INPP5A: variants seen among roughly 807,000 people sequenced by gnomAD.
The protein encoded by INPP5A is 43 kDa inositol polyphosphate 5-phophatase.
Under a neutral mutation model 65.2 loss-of-function variants are expected in INPP5A, and 14 were observed. That is an observed-to-expected ratio of 0.21 (90% CI 0.14 to 0.34). The LOEUF (loss-of-function observed/expected upper bound fraction) is 0.34. Among genes scored for constraint, INPP5A ranks in the 10% least tolerant of loss-of-function variants. The pLI, the probability that INPP5A is intolerant of heterozygous loss-of-function variation, is 1.00. For synonymous variants in INPP5A, 207 were observed against 208.3 expected, an observed-to-expected ratio of 0.99 and a Z score of 0.05; for missense variants, 431 against 545.6, an observed-to-expected ratio of 0.79 and a Z score of 2.09.
intron 1 of INPP5A, among the ~76,000 whole-genome samples, chr10:132,553,601 G>A (rs1304593462): frequency 3.5e-5 from 5 of 142,734 alleles, no homozygotes; most frequent in East Asian, 2.3e-4. Context: ...GGATAGGGAG[G>A]GAGGATTGGT....
In INPP5A at chr10:132,637,500, A is replaced by G. The variant is rs114870913; in HGVS notation, c.118-8368A>G. Reference sequence around the variant, plus strand: ...GTCCTTTGGGTCCCTGATCCTCCAAATGTTCCTCCTTCTCTGCCTGTCTCC... The same window carrying G: ...GTCCTTTGGGTCCCTGATCCTCCAAGTGTTCCTCCTTCTCTGCCTGTCTCC... On this transcript the variant is annotated intron_variant, in intron 2 of 15. Transcript: ENST00000368594. This position sits in a 1 kb window ranked among gnomAD's most constrained non-coding sequence, Gnocchi z 4.1. Among the ~76,000 whole-genome samples, 394 of 151,826 alleles carry G rather than the reference A, an allele frequency of 2.6e-3. 1 individual carries two copies. Among genetic ancestry groups the G allele is most frequent in the African/African-American group, 9.1e-3 (376 of 41,266 alleles).
At chr10:132,713,675 TG>T (rs1019684582) in intron 8 of INPP5A, among the ~76,000 whole-genome samples, 3 of 152,134 alleles carry the variant, frequency 2.0e-5, no homozygotes, top group African/African-American at 7.2e-5. Context: ...CTGCGAGGCC[TG>T]GGTGCTGCTG....
At chr10:132,554,866 G>T (rs1338996279) in intron 1 of INPP5A, among the ~76,000 whole-genome samples, 2 of 146,460 alleles carry the variant, frequency 1.4e-5, no homozygotes, top group Non-Finnish European at 3.0e-5. Flanking sequence ...AATGTGGGTG[G>T]TGTGGTTGGC....
chr10:132,600,591 A>G (rs1292465283), intron 1 of INPP5A, among the ~76,000 whole-genome samples: 1 of 152,146 alleles, frequency 6.6e-6, no homozygotes, highest in East Asian at 1.9e-4. Context: ...TCTTCCACAT[A>G]TTCGGGTATC....
chr10:132,693,178 TAAGAG>T (rs926075404), intron 5 of INPP5A, among the ~76,000 whole-genome samples: 69 of 152,222 alleles, frequency 4.5e-4, no homozygotes, highest in African/African-American at 1.5e-3. Flanking sequence ...ATTGATGTGT[TAAGAG>T]AGGAGAGATA....
rs576395690 is a variant in INPP5A at position 132,546,332 on chromosome 10, G to A, written c.75+8161G>A. Among the ~76,000 whole-genome samples, 4 of 152,196 alleles carry A rather than the reference G, an allele frequency of 2.6e-5. No individual in the cohort carries two copies. The highest frequency in any genetic ancestry group is 4.4e-5 in the Non-Finnish European group (3 of 68,036). On this transcript the variant is annotated intron_variant, in intron 1 of 15. Transcript: ENST00000368594. This position sits in a 1 kb window ranked among gnomAD's most constrained non-coding sequence, Gnocchi z 5.7. ...TGCCGCTCCAGGTTCAGAAGATGCC[G>A]CTTCTGGTTTTTCCCCGTTGTGAGT...
intron 13 of INPP5A, chr10:132,778,001 C>T: frequency 1.5e-6 from 2 of 1,300,172 alleles, no homozygotes; most frequent in Non-Finnish European, 2.0e-6. Context: ...GAGCCGAGTT[C>T]CTGGGCCATG....
At chr10:132,623,986 C>A (rs2072141366) in intron 2 of INPP5A, among the ~76,000 whole-genome samples, 1 of 152,160 alleles carries the variant, frequency 6.6e-6, no homozygotes, top group Non-Finnish European at 1.5e-5. Context: ...ATTCAATTGG[C>A]TGTAAAAACA....
At chr10:132,582,091 G>A (rs1476979383) in intron 1 of INPP5A, among the ~76,000 whole-genome samples, 2 of 152,068 alleles carry the variant, frequency 1.3e-5, no homozygotes, top group South Asian at 2.1e-4. Flanking sequence ...TGCCCGTCTC[G>A]GCCTCCCAAA....
chr10:132,719,601 G>C (rs1205999965), intron 8 of INPP5A, among the ~76,000 whole-genome samples: 1 of 135,318 alleles, frequency 7.4e-6, no homozygotes, highest in Non-Finnish European at 1.5e-5. Flanking sequence ...GTGGTGCCTG[G>C]GTTCTTTCTG....
At position 132,616,242 on chromosome 10, in the gene INPP5A, G is replaced by A. The variant is rs1409957274; in HGVS notation, c.117+8286G>A. On this transcript the variant is annotated intron_variant, in intron 2 of 15. Transcript: ENST00000368594. This position sits in a 1 kb window ranked among gnomAD's most constrained non-coding sequence, Gnocchi z 4.9. ...GGTGGCGTGGGAGGCAGCTGCAGTG[G>A]GAGGTGCCTGTGCTTTGTTGGTTGT... Among the ~76,000 whole-genome samples, 1 of 152,236 alleles carries A rather than the reference G, an allele frequency of 6.6e-6. No homozygotes were observed. The highest frequency in any genetic ancestry group is 2.4e-5 in the African/African-American group (1 of 41,464).
chr10:132,591,411 G>A (rs924257845), intron 1 of INPP5A, among the ~76,000 whole-genome samples: 5 of 152,322 alleles, frequency 3.3e-5, no homozygotes, highest in African/African-American at 1.2e-4. Context: ...TTCTGCGCTC[G>A]CTTGGAGAGG....
intron 12 of INPP5A, among the ~76,000 whole-genome samples, chr10:132,773,727 G>C (rs980351941): frequency 6.6e-6 from 1 of 152,168 alleles, no homozygotes; most frequent in Non-Finnish European, 1.5e-5. Context: ...CCTGCCAAGG[G>C]TTCTGGTCAC....
In INPP5A at chr10:132,549,033, T is replaced by G. The variant is rs188106475; in HGVS notation, c.75+10862T>G. On this transcript the variant is annotated intron_variant, in intron 1 of 15. Coordinates refer to ENST00000368594, the MANE Select transcript of INPP5A (RefSeq NM_005539.5). The surrounding 1 kb of genome is among the most constrained non-coding windows in gnomAD (Gnocchi z 4.9). ...GTCTCGAATTCCTGGCCTCAAGTGA[T>G]CCTCCCACCTTGGCCTCCCAAGGTG... Among the ~76,000 whole-genome samples, 1 of 152,180 alleles carries G rather than the reference T, an allele frequency of 6.6e-6. No individual in the cohort carries two copies. Among genetic ancestry groups the G allele is most frequent in the East Asian group, 1.9e-4 (1 of 5,164 alleles).
chr10:132,758,016 A>G (rs1846659855), intron 11 of INPP5A, among the ~76,000 whole-genome samples: 1 of 117,638 alleles, frequency 8.5e-6, no homozygotes, highest in Non-Finnish European at 1.7e-5. Flanking sequence ...TGACCCCACA[A>G]CACAGTGCCG....
intron 9 of INPP5A, among the ~76,000 whole-genome samples, chr10:132,733,641 T>C (rs956210462): frequency 6.6e-6 from 1 of 152,228 alleles, no homozygotes; most frequent in Non-Finnish European, 1.5e-5. Context: ...GAGGCTGACT[T>C]GGACCAAGGA....
In INPP5A at chr10:132,727,020, G is replaced by C. The variant is rs1845998380; in HGVS notation, c.732+115G>C. On this transcript the variant is annotated intron_variant, in intron 9 of 15. Transcript: ENST00000368594. The surrounding 1 kb of genome is among the most constrained non-coding windows in gnomAD (Gnocchi z 6.5). ...TTCAATGCCATCCGCCTCCCGGGATGCACTTTTTAAGGCAAAACCTTTCAA... is the reference window on the plus strand; with the variant it reads ...TTCAATGCCATCCGCCTCCCGGGATCCACTTTTTAAGGCAAAACCTTTCAA... 1 of 636,746 alleles carries C rather than the reference G, an allele frequency of 1.6e-6. No homozygotes were observed. Among genetic ancestry groups the C allele is most frequent in the East Asian group, 2.9e-5 (1 of 34,764 alleles). 39.4% of individuals were successfully genotyped at this position (636,746 alleles called of 1,614,324 possible).
intron 4 of INPP5A, among the ~76,000 whole-genome samples, chr10:132,657,429 G>A (rs1016112770): frequency 6.6e-6 from 1 of 152,224 alleles, no homozygotes; most frequent in African/African-American, 2.4e-5. Flanking sequence ...TCTGTGGAGA[G>A]TGAAGTGGGG....
At chr10:132,594,519 A>G (rs1419624211) in intron 1 of INPP5A, among the ~76,000 whole-genome samples, 1 of 149,868 alleles carries the variant, frequency 6.7e-6, no homozygotes, top group Non-Finnish European at 1.5e-5. Flanking sequence ...GTGCGTTTGC[A>G]TGCCTGTGCA....
Sources: gnomAD v4.1 joint callset for allele counts (sites outside exome capture counted in the v4.1 genomes callset) on GRCh38, gnomAD v4.1.1 for gene constraint, Gnocchi (gnomAD v3.1) non-coding constraint, MANE v1.5 for transcripts, NCBI Gene and HGNC (gene_info 2026-07-23, HGNC 2026-07-21) for gene names.